The following CD84 variants were observed in gnomAD, a reference collection of about 807,000 sequenced individuals.
CD84 encodes SLAM family member 5.
CD84 carries 22 observed loss-of-function variants against 33.8 expected under a neutral mutation model. The observed-to-expected ratio is 0.65, with a 90% CI of 0.46 to 0.93. CD84 has a LOEUF of 0.93. CD84 is among the 40% of genes least tolerant of loss of function. The pLI, the probability that CD84 is intolerant of heterozygous loss-of-function variation, is 0.00. For synonymous variants in CD84, 154 were observed against 145.2 expected (o/e 1.06, Z -0.44); for missense variants, 400 against 397.6 (o/e 1.01, Z -0.05).
chr1:160,566,747 G>A (rs1021432681), intron 1 of CD84, among the ~76,000 whole-genome samples: 25 of 152,150 alleles, frequency 1.6e-4, no homozygotes, highest in African/African-American at 6.0e-4. Flanking sequence ...CCAGCAAGGG[G>A]ACTTGATCTG....
Position 160,542,559 on chromosome 1 carries a change from A to T in CD84, c.*5697T>A, listed in dbSNP as rs556379218. 206 of 152,324 alleles carry T rather than the reference A, an allele frequency of 1.4e-3. 1 individual carries two copies. The highest frequency in any genetic ancestry group is 4.5e-3 in the African/African-American group (187 of 41,574). The allele number at this position is 152,324 out of a possible 1,614,324, so 9.4% of individuals were successfully genotyped here. ...AATTCTCTGATGAATAATCTATGTA[A>T]TTATTTGCCTACAATAAGAACTTAT... On this transcript the variant is annotated 3_prime_UTR_variant, in exon 7 of 7. Coordinates refer to ENST00000368054, the MANE Select transcript of CD84 (RefSeq NM_003874.4).
rs1276659980 is a variant in CD84 at position 160,542,234 on chromosome 1, T to C, written c.*6022A>G. ...CTTTGTAAAAGAGAGCATGGTTGTA[T>C]CTTCTTCAGAAGGCAGATGAGATTT... On this transcript the variant is annotated 3_prime_UTR_variant, in exon 7 of 7. Coordinates refer to ENST00000368054, the MANE Select transcript of CD84 (RefSeq NM_003874.4). 6.6e-6 allele frequency: 1 copy of C among 152,268 alleles called. No homozygotes were observed. The highest frequency in any genetic ancestry group is 2.4e-5 in the African/African-American group (1 of 41,468). The allele number at this position is 152,268 out of a possible 1,614,324, so 9.4% of individuals were successfully genotyped here.
At chr1:160,549,430 C>T (rs182420743) in intron 6 of CD84, among the ~76,000 whole-genome samples, 1 of 152,284 alleles carries the variant, frequency 6.6e-6, no homozygotes, top group East Asian at 1.9e-4. Context: ...AAGGCACAGG[C>T]ATAAGGCACA....
intron 4 of CD84, chr1:160,552,650 G>C: frequency 1.6e-6 from 2 of 1,259,254 alleles, no homozygotes; most frequent in African/African-American, 1.5e-5. Flanking sequence ...ACTCTGTTGG[G>C]AACTCCCCAT....
rs891717517 is a variant in CD84, at chr1:160,545,827, T to C, written c.*2429A>G. ...TTGTATTTTAAGTACAGATGGGGTT[T>C]TGCCATGCTGGCCAGGATCCTCTCA... On this transcript the variant is annotated 3_prime_UTR_variant, in exon 7 of 7. Transcript: ENST00000368054. 7 of 152,248 alleles carry C rather than the reference T, an allele frequency of 4.6e-5. No homozygotes were observed. The highest frequency in any genetic ancestry group is 1.7e-4 in the African/African-American group (7 of 41,398). 9.4% of individuals were successfully genotyped at this position (152,248 alleles called of 1,614,324 possible). A position where few individuals can be genotyped will look rare whatever the true frequency, so the allele number is the denominator to read the frequency against.
Position 160,543,602 on chromosome 1 carries a change from T to TTTATCATTATTA in CD84, c.*4653_*4654insTAATAATGATAA. On this transcript the variant is annotated 3_prime_UTR_variant, in exon 7 of 7. Transcript: ENST00000368054. ...ATCTTCAAGGAGCTCTCCATTATTA[T>TTTATCATTATTA]TTATTATTATTATTATTATTATTAT... 7.0e-6 allele frequency: 1 copy of TTTATCATTATTA among 142,712 alleles called. No individual in the cohort carries two copies. Among genetic ancestry groups the TTTATCATTATTA allele is most frequent in the South Asian group, 2.2e-4 (1 of 4,460 alleles). 8.8% of individuals were successfully genotyped at this position (142,712 alleles called of 1,614,324 possible).
chr1:160,558,432 CA>C (rs1656749631), intron 2 of CD84, among the ~76,000 whole-genome samples: 1 of 152,102 alleles, frequency 6.6e-6, no homozygotes, highest in Non-Finnish European at 1.5e-5. Context: ...AACCAACAAA[CA>C]GAAAACAACA....
chr1:160,576,957 A>G (rs2102215895), intron 1 of CD84, among the ~76,000 whole-genome samples: 1 of 152,240 alleles, frequency 6.6e-6, no homozygotes, highest in East Asian at 1.9e-4. Context: ...AGAGTATGAG[A>G]CAGTATATGT....
At chr1:160,549,606 G>GTGA (rs1656063398) in intron 6 of CD84, among the ~76,000 whole-genome samples, 1 of 152,118 alleles carries the variant, frequency 6.6e-6, no homozygotes, top group African/African-American at 2.4e-5. Flanking sequence ...TTTTCACACT[G>GTGA]TGAGCTAGCA....
intron 2 of CD84, among the ~76,000 whole-genome samples, chr1:160,560,968 A>T (rs531996255): frequency 1.3e-5 from 2 of 152,280 alleles, no homozygotes; most frequent in South Asian, 4.1e-4. Context: ...TTTTGAACAG[A>T]CCAATAACAA....
chr1:160,575,593 T>A (rs1030078173), intron 1 of CD84, among the ~76,000 whole-genome samples: 1 of 152,146 alleles, frequency 6.6e-6, no homozygotes, highest in East Asian at 1.9e-4. Context: ...TAGCGTGTAC[T>A]TGAACACTGA....
chr1:160,553,663 A>T, intron 3 of CD84, 166 bp from the exon 4 acceptor site: 6 of 982,946 alleles, frequency 6.1e-6, no homozygotes, highest in Non-Finnish European at 9.0e-6. Flanking sequence ...AGGATGAGAA[A>T]TTGAATCAGA....
chr1:160,571,671 G>C (rs188526145), intron 1 of CD84, among the ~76,000 whole-genome samples: 65 of 152,216 alleles, frequency 4.3e-4, no homozygotes, highest in Middle Eastern at 3.4e-3. Flanking sequence ...CTGGGGGCTG[G>C]GGGGGAGGAG....
rs1034822698 is a variant in CD84 at position 160,563,642 on chromosome 1, T to G, written c.388+1762A>C. 5.9e-5 allele frequency among the ~76,000 whole-genome samples: 9 copies of G among 152,168 alleles called. No individual in the cohort carries two copies. In the East Asian group the frequency reaches 1.3e-3, roughly 23 times the overall value. ...GAAGGTTAGCTAATGGATGTTGGTCTTAATACCTAGATGATGGAATGATCT... is the reference window on the plus strand; with the variant it reads ...GAAGGTTAGCTAATGGATGTTGGTCGTAATACCTAGATGATGGAATGATCT... On this transcript the variant is annotated intron_variant, in intron 2 of 6. Transcript: ENST00000368054.
chr1:160,551,973 C>T (rs772438981), intron 4 of CD84, among the ~76,000 whole-genome samples: 11 of 152,170 alleles, frequency 7.2e-5, no homozygotes, highest in Non-Finnish European at 1.0e-4. Flanking sequence ...GAGACATTCA[C>T]GTCAGTGTAC....
chr1:160,563,499 G>A (rs1189682127), intron 2 of CD84, among the ~76,000 whole-genome samples: 2 of 152,160 alleles, frequency 1.3e-5, no homozygotes, highest in African/African-American at 4.8e-5. Flanking sequence ...TGCAGGAACA[G>A]AAAACCGAAC....
chr1:160,565,151 T>C (rs1657238902), intron 2 of CD84, among the ~76,000 whole-genome samples: 1 of 152,010 alleles, frequency 6.6e-6, no homozygotes, highest in South Asian at 2.1e-4. Flanking sequence ...GTATGATCAT[T>C]GACATTATGT....
chr1:160,571,659 G>C (rs999948685), intron 1 of CD84, among the ~76,000 whole-genome samples: 1 of 152,118 alleles, frequency 6.6e-6, no homozygotes, highest in Non-Finnish European at 1.5e-5. Flanking sequence ...AAATAGAAGA[G>C]ACTGGGGGCT....
rs1655936868 is a variant in CD84, at chr1:160,548,059, C to A, written c.*197G>T. The A allele has an allele frequency of 1.7e-6, 1 of 601,010 alleles. No individual in the cohort carries two copies. The highest frequency in any genetic ancestry group is 3.0e-6 in the Non-Finnish European group (1 of 336,880). The allele number at this position is 601,010 out of a possible 1,614,324, so 37.2% of individuals were successfully genotyped here. A position where few individuals can be genotyped will look rare whatever the true frequency, so the allele number is the denominator to read the frequency against. On this transcript the variant is annotated 3_prime_UTR_variant, in exon 7 of 7. Transcript: ENST00000368054. ...TCATTCATTCAGAAGGGAGTCATTTCAGGAAGGGTATGCATCCATTTGTCC... is the reference window on the plus strand; with the variant it reads ...TCATTCATTCAGAAGGGAGTCATTTAAGGAAGGGTATGCATCCATTTGTCC...
Sources: gnomAD v4.1 joint callset for allele counts (sites outside exome capture counted in the v4.1 genomes callset) on GRCh38, gnomAD v4.1.1 for gene constraint, MANE v1.5 for transcripts, NCBI Gene and HGNC (gene_info 2026-07-23, HGNC 2026-07-21) for gene names.